Variants in UTP4 observed in about 807,000 individuals in gnomAD.
The protein encoded by UTP4 is UTP4 small subunit processome component.
In UTP4, 45 loss-of-function variants were observed where a neutral mutation model predicts 82.4. That is an observed-to-expected ratio of 0.55 (90% confidence interval 0.43 to 0.70). UTP4 has a LOEUF of 0.70. Among genes scored for constraint, UTP4 ranks in the 30% least tolerant of loss-of-function variants. The pLI is 0.00. For missense variants in UTP4, 819 were observed against 858.3 expected, an observed-to-expected ratio of 0.95 and a Z score of 0.57; for synonymous variants, 348 against 300.3, an observed-to-expected ratio of 1.16 and a Z score of -1.64.
At chr16:69,146,194 A>C (rs1963104166) in intron 6 of UTP4, among the ~76,000 whole-genome samples, 1 of 152,178 alleles carries the variant, frequency 6.6e-6, no homozygotes, top group South Asian at 2.1e-4. Flanking sequence ...AACTATTTTA[A>C]AAGTGTACAT....
intron 13 of UTP4, 148 bp downstream of exon 13, chr16:69,160,610 T>G: frequency 1.5e-6 from 1 of 678,524 alleles, no homozygotes; most frequent in Non-Finnish European, 2.5e-6. Flanking sequence ...TTTTTTTTTT[T>G]TTTTGAGACA....
At chr16:69,136,574 T>C (rs1265162526) in intron 2 of UTP4, 122 bp from the exon 3 acceptor site, 11 of 904,842 alleles carry the variant, frequency 1.2e-5, no homozygotes, top group Non-Finnish European at 2.1e-5. Flanking sequence ...CATGATCTGA[T>C]AGCACAAAAC....
At chr16:69,156,883 C>A in intron 11 of UTP4, among the ~76,000 whole-genome samples, 1 of 152,150 alleles carries the variant, frequency 6.6e-6, no homozygotes, top group East Asian at 1.9e-4. Flanking sequence ...TAGTTATTTC[C>A]TTGATAGAGA....
chr16:69,167,024 C>T, intron 15 of UTP4, 51 bp from the exon 16 acceptor site: 1 of 1,264,132 alleles, frequency 7.9e-7, no homozygotes, highest in Non-Finnish European at 1.2e-6. Context: ...CTTTGGTCTG[C>T]AGAAGCCCAA....
At chr16:69,136,124 C>T (rs780190810) in intron 2 of UTP4, among the ~76,000 whole-genome samples, 15 of 152,252 alleles carry the variant, frequency 9.9e-5, no homozygotes, top group South Asian at 2.1e-4. Flanking sequence ...CTTTTGGCAA[C>T]CTACTTAACC....
At chr16:69,145,284 A>T (rs1963077581) in intron 6 of UTP4, among the ~76,000 whole-genome samples, 1 of 152,052 alleles carries the variant, frequency 6.6e-6, no homozygotes, top group African/African-American at 2.4e-5. Context: ...TTTTTGAGAC[A>T]GTCTCTCACT....
chr16:69,154,025 A>T (rs1036088736), intron 9 of UTP4, among the ~76,000 whole-genome samples: 6 of 152,180 alleles, frequency 3.9e-5, no homozygotes, highest in Non-Finnish European at 5.9e-5. Context: ...AATCCTGTAG[A>T]AAAAGAAGAT....
intron 10 of UTP4, among the ~76,000 whole-genome samples, chr16:69,155,288 T>C (rs1963381173): frequency 6.6e-6 from 1 of 151,992 alleles, no homozygotes. Context: ...ATCCTACCAC[T>C]TCACCCTCCC....
In UTP4 at chr16:69,150,718, C is replaced by T. The variant is rs1390365676; in HGVS notation, c.910+10C>T. The T allele has an allele frequency of 1.2e-6, 2 of 1,614,000 alleles. No individual in the cohort carries two copies. Among genetic ancestry groups the T allele is most frequent in the Non-Finnish European group, 1.7e-6 (2 of 1,180,008 alleles). On this transcript the variant is annotated intron_variant, in intron 7 of 16. Transcript: ENST00000314423. ...GCGCTGATATCTGGAGGTGGGTTCC[C>T]CCTCTGGTGAGGCTGCTGCTTTACC...
chr16:69,133,131 C>G, intron 1 of UTP4: 2 of 357,716 alleles, frequency 5.6e-6, no homozygotes, highest in Non-Finnish European at 1.1e-5. Flanking sequence ...CAGTTTAGGT[C>G]TGTTGTTTGC....
At chr16:69,163,553 T>C (rs1420758045) in intron 14 of UTP4, among the ~76,000 whole-genome samples, 1 of 152,090 alleles carries the variant, frequency 6.6e-6, no homozygotes, top group African/African-American at 2.4e-5. Context: ...ATTGTATCAT[T>C]CACCTTTACG....
At chr16:69,137,964 T>TCA in intron 4 of UTP4, 79 bp downstream of exon 4, 1 of 886,564 alleles carries the variant, frequency 1.1e-6, no homozygotes, top group Non-Finnish European at 1.9e-6. Flanking sequence ...TGGGATATTT[T>TCA]CCCATGAATC....
chr16:69,153,784 T>C, intron 9 of UTP4, 104 bp downstream of exon 9: 1 of 789,244 alleles, frequency 1.3e-6, no homozygotes, highest in Non-Finnish European at 2.2e-6. Flanking sequence ...AGTAGACTTT[T>C]GTGTCCATTT....
intron 8 of UTP4, among the ~76,000 whole-genome samples, chr16:69,151,863 G>A (rs74923456): frequency 0.018 from 2,682 of 150,912 alleles, 83 homozygotes; most frequent in African/African-American, 0.062. Context: ...GGGTGGGAGC[G>A]GGAAAACCCA....
chr16:69,134,778 C>A (rs1962767982), intron 2 of UTP4, among the ~76,000 whole-genome samples: 1 of 148,450 alleles, frequency 6.7e-6, no homozygotes, highest in Non-Finnish European at 1.5e-5. Context: ...TCTTGGCTCA[C>A]TGCAACCTCT....
At chr16:69,146,903 T>A (rs1359351070) in intron 6 of UTP4, among the ~76,000 whole-genome samples, 5 of 148,144 alleles carry the variant, frequency 3.4e-5, no homozygotes, top group Non-Finnish European at 5.9e-5. Flanking sequence ...CTCGTGAGGC[T>A]GAGGCAGGAG....
At chr16:69,153,714 A>T in intron 9 of UTP4, 34 bp downstream of exon 9, 1 of 1,410,006 alleles carries the variant, frequency 7.1e-7, no homozygotes, top group East Asian at 2.3e-5. Context: ...CAATAAGAAA[A>T]CTGGAGAGAG....
chr16:69,158,772 T>C (rs906837863), intron 12 of UTP4, among the ~76,000 whole-genome samples: 1 of 152,150 alleles, frequency 6.6e-6, no homozygotes, highest in Non-Finnish European at 1.5e-5. Context: ...TTCCCCATCC[T>C]TTTTTCCTCA....
At chr16:69,134,600 A>T (rs1401045746) in intron 2 of UTP4, among the ~76,000 whole-genome samples, 1 of 152,002 alleles carries the variant, frequency 6.6e-6, no homozygotes, top group African/African-American at 2.4e-5. Context: ...ATCAAAAGGT[A>T]AAAACTACAG....
Sources: gnomAD v4.1 joint callset for allele counts (sites outside exome capture counted in the v4.1 genomes callset) on GRCh38, gnomAD v4.1.1 for gene constraint, MANE v1.5 for transcripts, NCBI Gene and HGNC (gene_info 2026-07-23, HGNC 2026-07-21) for gene names.